The following LYST variants were observed in gnomAD, a reference collection of about 807,000 sequenced individuals.
LYST encodes lysosomal-trafficking regulator.
A neutral mutation model predicts 413.6 loss-of-function variants in LYST; 192 were observed. The ratio of observed to expected loss-of-function variants is 0.46; its 90% CI spans 0.41 to 0.52. The LOEUF is 0.52. Among genes scored for constraint, LYST ranks in the 20% least tolerant of loss-of-function variants. The pLI is 0.00. For missense variants in LYST, 3,815 were observed against 4,499.9 expected (o/e 0.85, Z 4.35); for synonymous variants, 1,525 against 1,567.3 (o/e 0.97, Z 0.64).
chr1:235,702,318 CA>C (rs1661612377), intron 45 of LYST, among the ~76,000 whole-genome samples: 1 of 152,130 alleles, frequency 6.6e-6, no homozygotes. Flanking sequence ...AGGTATAAAC[CA>C]AAACATCCGC....
At chr1:235,829,033 A>G in intron 3 of LYST, 1 of 155,400 alleles carries the variant, frequency 6.4e-6, no homozygotes, top group Non-Finnish European at 1.4e-5. Flanking sequence ...GTGAAACCCC[A>G]TCTCTACTGA....
chr1:235,789,062 A>T (rs1202974643), intron 12 of LYST, among the ~76,000 whole-genome samples: 1 of 152,178 alleles, frequency 6.6e-6, no homozygotes, highest in Non-Finnish European at 1.5e-5. Context: ...CAGTACTTTA[A>T]AAGTTATTAG....
chr1:235,748,942 G>T (rs1666187326), intron 28 of LYST, among the ~76,000 whole-genome samples: 1 of 152,186 alleles, frequency 6.6e-6, no homozygotes, highest in African/African-American at 2.4e-5. Context: ...GGTAGTGGCA[G>T]TGGGGCTGGA....
At chr1:235,683,255 C>A (rs1002907026) in intron 48 of LYST, among the ~76,000 whole-genome samples, 8 of 152,222 alleles carry the variant, frequency 5.3e-5, no homozygotes, top group Admixed American at 2.6e-4. Context: ...CTTGTGCTGG[C>A]ACCTTCTTTT....
At chr1:235,827,632 CTA>C in intron 3 of LYST, 1 of 984,780 alleles carries the variant, frequency 1.0e-6, no homozygotes, top group Non-Finnish European at 1.2e-6. Flanking sequence ...TGATAAAGGC[CTA>C]TGTTTTAAAT....
intron 5 of LYST, among the ~76,000 whole-genome samples, chr1:235,807,685 C>T (rs1038096470): frequency 2.6e-5 from 4 of 152,094 alleles, no homozygotes; most frequent in African/African-American, 9.7e-5. Flanking sequence ...CCAGTCTACC[C>T]ATTCGTTTAT....
chr1:235,806,265 CAT>C lies in LYST; in HGVS notation c.2869_2870del (p.Met957AlafsTer26). On this transcript the variant is annotated frameshift_variant, in exon 6 of 53. Transcript: ENST00000389793. LOFTEE classifies it high-confidence loss of function. ...TAGACCAAATGTCTGCTGCTTGGTG[CAT>C]ATGTTCAGGAGAAGGCAAGACAAGG... is the stretch of plus-strand genomic sequence containing the variant. ...ESLVLPSPEH[M>X]HQAADIWSMC... The C allele has an allele frequency of 6.2e-7, 1 of 1,613,914 alleles. No homozygotes were observed. The highest frequency in any genetic ancestry group is 8.5e-7 in the Non-Finnish European group (1 of 1,179,978).
chr1:235,703,107 A>G (rs1465152279), intron 44 of LYST, 130 bp from the exon 45 acceptor site: 2 of 712,924 alleles, frequency 2.8e-6, no homozygotes, highest in African/African-American at 3.5e-5. Flanking sequence ...GTTCAGGTTA[A>G]CAATCACTCA....
intron 16 of LYST, among the ~76,000 whole-genome samples, chr1:235,779,407 A>T (rs1291555072): frequency 1.3e-5 from 2 of 152,224 alleles, no homozygotes; most frequent in African/African-American, 4.8e-5. Context: ...TATTGAGTTA[A>T]AGTTATTACT....
At chr1:235,693,993 T>C (rs1660880227) in intron 46 of LYST, among the ~76,000 whole-genome samples, 1 of 146,448 alleles carries the variant, frequency 6.8e-6, no homozygotes. Flanking sequence ...AAGGAGGCTC[T>C]GTTCTTCTCT....
intron 50 of LYST, among the ~76,000 whole-genome samples, chr1:235,673,562 C>A (rs1342175926): frequency 6.6e-6 from 1 of 152,104 alleles, no homozygotes; most frequent in Non-Finnish European, 1.5e-5. Context: ...GGAGTCACCG[C>A]CCCCCACAAC....
rs1237420442 is a variant in LYST, at chr1:235,759,463, G to A, written c.6390C>T (p.Asp2130=). Residue 2130 remains aspartate (D), a synonymous_variant, in exon 23 of 53, where the codon GAC becomes GAT. Transcript: ENST00000389793. ...KLTGSLGCSI[D]RLQNIADTYV... ...AAGTATCTGCAATATTTTGTAACCTGTCGATACTACAACCCAAACTTCCAG... is the reference window on the plus strand; with the variant it reads ...AAGTATCTGCAATATTTTGTAACCTATCGATACTACAACCCAAACTTCCAG... 3.1e-6 allele frequency: 5 copies of A among 1,613,926 alleles called. No individual in the cohort carries two copies. Among genetic ancestry groups the A allele is most frequent in the Middle Eastern group, 3.3e-4 (2 of 6,084 alleles).
chr1:235,738,707 G>A (rs1273618922), intron 31 of LYST: 42 of 1,590,292 alleles, frequency 2.6e-5, no homozygotes, highest in Admixed American at 1.0e-4. Flanking sequence ...AGGTGGTTGA[G>A]AGTGCTTACG....
chr1:235,862,719 C>G (rs1680025088), intron 1 of LYST, among the ~76,000 whole-genome samples: 1 of 151,758 alleles, frequency 6.6e-6, no homozygotes, highest in Admixed American at 6.6e-5. Context: ...TCGCTTGAAC[C>G]TAGGAGCCGG....
At chr1:235,751,809 T>C (rs79176214) in intron 27 of LYST, among the ~76,000 whole-genome samples, 196 bp downstream of exon 27, 1 of 152,156 alleles carries the variant, frequency 6.6e-6, no homozygotes. Flanking sequence ...ACTAACTACA[T>C]GGGGGAATCA....
At chr1:235,744,349 T>C (rs1665702381) in intron 29 of LYST, among the ~76,000 whole-genome samples, 192 bp from the exon 30 acceptor site, 1 of 152,236 alleles carries the variant, frequency 6.6e-6, no homozygotes, top group East Asian at 1.9e-4. Flanking sequence ...ATAACAGAAA[T>C]TTGAAAATGC....
intron 50 of LYST, among the ~76,000 whole-genome samples, chr1:235,665,864 G>T (rs1658407651): frequency 6.6e-6 from 1 of 152,054 alleles, no homozygotes. Context: ...TTATAAACAG[G>T]ATGGTTTGGG....
At chr1:235,740,033 G>C (rs1553277275) in intron 31 of LYST, among the ~76,000 whole-genome samples, 1 of 151,958 alleles carries the variant, frequency 6.6e-6, no homozygotes, top group South Asian at 2.1e-4. Flanking sequence ...TGAGTATAAA[G>C]GAAAGAAAAA....
At position 235,662,800 on chromosome 1, in the gene LYST, T is replaced by G; in HGVS notation, c.*140A>C. On this transcript the variant is annotated 3_prime_UTR_variant, in exon 53 of 53. Coordinates refer to ENST00000389793, the MANE Select transcript of LYST (RefSeq NM_000081.4). ...GATCATGTGACTCTTCAGAATTTTGTGCAGATGAATAGACTTTATCATTAT... is the reference window on the plus strand; with the variant it reads ...GATCATGTGACTCTTCAGAATTTTGGGCAGATGAATAGACTTTATCATTAT... The G allele has an allele frequency of 2.6e-6, 2 of 760,120 alleles. No homozygotes were observed. Among genetic ancestry groups the G allele is most frequent in the Admixed American group, 3.4e-5 (2 of 58,646 alleles). 47.1% of individuals were successfully genotyped at this position (760,120 alleles called of 1,614,324 possible).
Sources: allele counts gnomAD v4.1 joint callset (sites outside exome capture counted in the v4.1 genomes callset), GRCh38; gene constraint gnomAD v4.1.1; transcripts MANE v1.5; gene names NCBI Gene and HGNC (gene_info 2026-07-23, HGNC 2026-07-21).